INKA2: variants seen among roughly 807,000 people sequenced by gnomAD.
INKA2 encodes the protein PAK4-inhibitor INKA2.
Under a neutral mutation model 9.8 loss-of-function variants are expected in INKA2, and 3 were observed. The observed-to-expected ratio is 0.31, with a 90% CI of 0.14 to 0.79. The LOEUF (loss-of-function observed/expected upper bound fraction) is 0.79. Ranked by LOEUF, INKA2 falls within the 30% of genes least tolerant of loss-of-function variation. The pLI, the probability that INKA2 is intolerant of heterozygous loss-of-function variation, is 0.62. For missense variants in INKA2, 392 were observed against 384.4 expected (o/e 1.02, Z -0.17); for synonymous variants, 147 against 143.3 (o/e 1.03, Z -0.18).
At chr1:111,727,943 C>A (rs1662824087) in intron 1 of INKA2, 139 bp from the exon 2 acceptor site, 3 of 782,754 alleles carry the variant, frequency 3.8e-6, no homozygotes, top group South Asian at 3.0e-5. Flanking sequence ...CTCTCTATAG[C>A]CTAGTGCAGT....
chr1:111,738,093 A>G (rs1354373970), intron 1 of INKA2, among the ~76,000 whole-genome samples: 1 of 152,180 alleles, frequency 6.6e-6, no homozygotes, highest in Non-Finnish European at 1.5e-5. Flanking sequence ...TCTGTAAAGT[A>G]AGAAGAAAGA....
chr1:111,750,953 G>A (rs1663395105), intron 1 of INKA2, among the ~76,000 whole-genome samples: 3 of 152,020 alleles, frequency 2.0e-5, no homozygotes, highest in African/African-American at 7.3e-5. Flanking sequence ...AAACAACTAT[G>A]GCTTTCATGC....
At chr1:111,739,075 T>A in intron 1 of INKA2, 111 bp downstream of exon 1, 1 of 1,043,560 alleles carries the variant, frequency 9.6e-7, no homozygotes, top group Non-Finnish European at 1.5e-6. Context: ...CTCTCTTCCC[T>A]GGCCCTCCTC....
rs2101348075 is a variant in INKA2 at position 111,724,259 on chromosome 1, G to T, written c.*2709C>A. The T allele has an allele frequency of 1.3e-5, 2 of 152,298 alleles. No individual in the cohort carries two copies. Among genetic ancestry groups the T allele is most frequent in the African/African-American group, 4.8e-5 (2 of 41,572 alleles). 9.4% of individuals were successfully genotyped at this position (152,298 alleles called of 1,614,324 possible). ...TGCTTATTTTCCACTGCATCCATTT[G>T]AGAGCAGGAGTTGGGTCCTTCTCAT... is the stretch of plus-strand genomic sequence containing the variant. On this transcript the variant is annotated 3_prime_UTR_variant, in exon 2 of 2. Transcript: ENST00000357260.
At chr1:111,748,369 A>G (rs531297369) in intron 1 of INKA2, among the ~76,000 whole-genome samples, 1 of 152,354 alleles carries the variant, frequency 6.6e-6, no homozygotes, top group African/African-American at 2.4e-5. Context: ...CTCTAACTGT[A>G]AAGTGGGACA....
intron 1 of INKA2, chr1:111,755,482 TG>T (rs1663518236): frequency 1.7e-6 from 1 of 573,938 alleles, no homozygotes; most frequent in South Asian, 2.2e-5. Context: ...CGGGTAGCGT[TG>T]GGGAAGAGGT....
At chr1:111,739,617 G>T (rs559424732), upstream of INKA2, among the ~76,000 whole-genome samples, 433 of 152,342 alleles carry the variant, frequency 2.8e-3, no homozygotes, top group African/African-American at 9.3e-3. Context: ...GCGGCGGAGG[G>T]CATCGTGACT....
At chr1:111,734,221 A>G (rs1423936282) in intron 1 of INKA2, among the ~76,000 whole-genome samples, 1 of 151,596 alleles carries the variant, frequency 6.6e-6, no homozygotes, top group Non-Finnish European at 1.5e-5. Context: ...ACAACCATCT[A>G]TGGGGGTCTG....
chr1:111,744,968 TAGA>T (rs778318178), intron 1 of INKA2, among the ~76,000 whole-genome samples: 72 of 152,176 alleles, frequency 4.7e-4, no homozygotes, highest in Non-Finnish European at 7.2e-4. Context: ...AGGAAGGTGA[TAGA>T]AGAAGAAATA....
rs1357608959 is a variant in INKA2 at position 111,750,528 on chromosome 1, G to A, written n.124+5173C>T. Among the ~76,000 whole-genome samples the A allele has an allele frequency of 1.3e-3, 199 of 152,324 alleles. 2 individuals carry two copies. Among genetic ancestry groups the A allele is most frequent in the Non-Finnish European group, 1.0e-4 (7 of 68,028 alleles). ...ATGAAAGTACCCGTGGCTAGGCAAA[G>A]CAACTAGGAAGCATAAGCTAGTTGT... On this transcript the variant is annotated intron_variant and non_coding_transcript_variant, in intron 1 of 1. Transcript: ENST00000444059.
chr1:111,734,129 C>A (rs1243698260), intron 1 of INKA2, among the ~76,000 whole-genome samples: 1 of 152,196 alleles, frequency 6.6e-6, no homozygotes, highest in Non-Finnish European at 1.5e-5. Context: ...AAAGCGGAAA[C>A]TGTGCCAAGA....
rs948565434 is a variant in INKA2, at chr1:111,722,435, C to G, written c.*4533G>C. 2.6e-5 allele frequency: 4 copies of G among 152,540 alleles called. No individual in the cohort carries two copies. Among genetic ancestry groups the G allele is most frequent in the Non-Finnish European group, 5.9e-5 (4 of 68,118 alleles). 9.4% of individuals were successfully genotyped at this position (152,540 alleles called of 1,614,324 possible). On this transcript the variant is annotated 3_prime_UTR_variant, in exon 2 of 2. Coordinates refer to ENST00000357260, the MANE Select transcript of INKA2 (RefSeq NM_019099.5). ...GAGCAGACCAGAGGCTTCTCAAAAC[C>G]ACTAGGACTTGGCACTTTCAACTCT...
In INKA2 at chr1:111,727,911, T is replaced by A. The variant is rs1662823476; in HGVS notation, c.58-107A>T. On this transcript the variant is annotated intron_variant, in intron 1 of 1. Transcript: ENST00000357260. ...ACCCAAACATACACTTCCAGGGTCA[T>A]CCAGCCTGCCACCAGCCCCATCTCT... 5 of 1,051,534 alleles carry A rather than the reference T, an allele frequency of 4.8e-6. No homozygotes were observed. The South Asian group carries it at 6.5e-5, about 14-fold the overall frequency. The allele number at this position is 1,051,534 out of a possible 1,614,324, so 65.1% of individuals were successfully genotyped here.
chr1:111,737,848 C>T (rs1233305399), intron 1 of INKA2, among the ~76,000 whole-genome samples: 1 of 152,218 alleles, frequency 6.6e-6, no homozygotes, highest in Non-Finnish European at 1.5e-5. Flanking sequence ...GTAGGACTGA[C>T]AGGAAGAGTG....
upstream of INKA2, among the ~76,000 whole-genome samples, chr1:111,741,188 C>T (rs568223630): frequency 1.2e-3 from 181 of 152,116 alleles, no homozygotes; most frequent in Middle Eastern, 6.8e-3. Flanking sequence ...CACTTAACAA[C>T]CCCAGGTCCT....
intron 1 of INKA2, among the ~76,000 whole-genome samples, chr1:111,750,507 A>G (rs534576718): frequency 6.6e-6 from 1 of 152,334 alleles, no homozygotes; most frequent in African/African-American, 2.4e-5. Flanking sequence ...ATAACAATGA[A>G]AGTACCCGTG....
intron 1 of INKA2, among the ~76,000 whole-genome samples, chr1:111,728,607 C>T (rs1662841972): frequency 6.6e-6 from 1 of 152,160 alleles, no homozygotes; most frequent in Admixed American, 6.5e-5. Flanking sequence ...AAATTCTACC[C>T]TGACCTCATG....
chr1:111,739,389 C>T lies in INKA2; in HGVS notation c.-147G>A. 1.3e-6 allele frequency: 2 copies of T among 1,492,254 alleles called. No individual in the cohort carries two copies. The highest frequency in any genetic ancestry group is 8.9e-7 in the Non-Finnish European group (1 of 1,121,462). The allele number at this position is 1,492,254 out of a possible 1,614,324, so 92.4% of individuals were successfully genotyped here. ...GAGCCTGCGCTCCGAGCCCGGGACT[C>T]AGAGTCGCTTCCCCAGCGGCTAGCC... On this transcript the variant is annotated 5_prime_UTR_variant, in exon 1 of 2. Coordinates refer to ENST00000357260, the MANE Select transcript of INKA2 (RefSeq NM_019099.5).
chr1:111,745,291 ATATT>A (rs1459840174), intron 1 of INKA2: 11 of 49,344 alleles, frequency 2.2e-4, no homozygotes, highest in Non-Finnish European at 2.9e-4. Context: ...ATATATATAT[ATATT>A]TTTTTTTTTT....
Sources: allele counts gnomAD v4.1 joint callset (sites outside exome capture counted in the v4.1 genomes callset), GRCh38; gene constraint gnomAD v4.1.1; transcripts MANE v1.5; gene names NCBI Gene and HGNC (gene_info 2026-07-23, HGNC 2026-07-21).